Variants in GLI2 observed in about 807,000 individuals in gnomAD.
GLI2 encodes GLI family zinc finger 2.
A neutral mutation model predicts 78.9 loss-of-function variants in GLI2; 22 were observed. That is an observed-to-expected ratio of 0.28 (90% CI 0.20 to 0.40). GLI2 has a LOEUF of 0.40. GLI2 is among the 10% of genes least tolerant of loss of function. The pLI is 1.00. For missense variants in GLI2, 2,097 were observed against 2,213.2 expected (o/e 0.95, Z 1.05); for synonymous variants, 974 against 963.7 (o/e 1.01, Z -0.20).
intron 3 of GLI2, among the ~76,000 whole-genome samples, chr2:120,937,967 G>A (rs776441280): frequency 3.9e-5 from 6 of 152,064 alleles, no homozygotes; most frequent in Non-Finnish European, 8.8e-5. Flanking sequence ...ACTAACGAAG[G>A]CCGCTCCCCA....
At chr2:120,984,839 C>T (rs1418746734) in intron 12 of GLI2, 96 bp downstream of exon 12, 10 of 1,286,482 alleles carry the variant, frequency 7.8e-6, no homozygotes, top group Non-Finnish European at 1.1e-5. Context: ...CCTAAGGCCC[C>T]CCTCTAGGGG....
chr2:120,800,901 G>A lies in GLI2; in HGVS notation c.148+3433G>A, dbSNP rs1684678633. 2.0e-5 allele frequency among the ~76,000 whole-genome samples: 3 copies of A among 152,152 alleles called. No individual in the cohort carries two copies. Among genetic ancestry groups the A allele is most frequent in the South Asian group, 2.1e-4 (1 of 4,832 alleles). ...GGTCTTATCTGAGGATGTCAGGGGC[G>A]CAGTGGTGAGGAAACAGCCAAATCC... On this transcript the variant is annotated intron_variant, in intron 2 of 13. Transcript: ENST00000361492. This position sits in a 1 kb window ranked among gnomAD's most constrained non-coding sequence, Gnocchi z 4.1.
intron 8 of GLI2, chr2:120,972,716 C>T (rs1020469857): frequency 1.9e-6 from 1 of 517,774 alleles, no homozygotes; most frequent in Non-Finnish European, 3.9e-6. Flanking sequence ...ATTCAATGCA[C>T]ATTTGAGTCA....
At chr2:120,836,325 A>T (rs1686609222) in intron 2 of GLI2, among the ~76,000 whole-genome samples, 2 of 152,276 alleles carry the variant, frequency 1.3e-5, no homozygotes, top group South Asian at 4.2e-4. Flanking sequence ...TTATCTTATT[A>T]TGTGTGTGTA....
intron 2 of GLI2, among the ~76,000 whole-genome samples, chr2:120,890,303 A>G (rs1451274729): frequency 6.6e-6 from 1 of 152,200 alleles, no homozygotes; most frequent in Admixed American, 6.5e-5. Context: ...CCAGGGTTTA[A>G]TGACAGTAGG....
chr2:120,743,239 G>A (rs892945105), intron 1 of GLI2, among the ~76,000 whole-genome samples: 4 of 152,178 alleles, frequency 2.6e-5, no homozygotes, highest in African/African-American at 9.7e-5. Flanking sequence ...AAGAATAACT[G>A]TAACTGCCAG....
At chr2:120,836,585 G>T (rs1210424317) in intron 2 of GLI2, among the ~76,000 whole-genome samples, 2 of 152,188 alleles carry the variant, frequency 1.3e-5, no homozygotes, top group East Asian at 3.8e-4. Flanking sequence ...CACAGCAGGG[G>T]TTTATAAAAT....
At chr2:120,908,352 A>T (rs556151155) in intron 2 of GLI2, among the ~76,000 whole-genome samples, 1 of 152,266 alleles carries the variant, frequency 6.6e-6, no homozygotes, top group South Asian at 2.1e-4. Flanking sequence ...AGAACAAGAG[A>T]AGTGGCATCC....
At chr2:120,892,825 C>T (rs1247257590) in intron 2 of GLI2, among the ~76,000 whole-genome samples, 1 of 152,212 alleles carries the variant, frequency 6.6e-6, no homozygotes, top group East Asian at 1.9e-4. Context: ...CCTGATTCAC[C>T]ACCTTCGGTG....
At position 120,990,305 on chromosome 2, in the gene GLI2, G is replaced by C. The variant is rs767232856; in HGVS notation, c.4340G>C (p.Gly1447Ala). The part of the protein sequence containing the change: ...YEQDGGLENL[G>A]SCQVMRSQPP... Reference sequence around the variant, plus strand: ...CAGGATGGAGGCCTGGAGAACCTCGGGAGCTGCCAGGTCATGCGGTCCCAG... The same window carrying C: ...CAGGATGGAGGCCTGGAGAACCTCGCGAGCTGCCAGGTCATGCGGTCCCAG... Residue 1447 changes from glycine to alanine, a missense_variant, in exon 14 of 14, where the codon GGG (glycine) becomes GCG (alanine). By Grantham distance (60) the Gly-to-Ala change is moderately conservative (BLOSUM62 0). Around this residue, in one of 5 missense-constraint regions of GLI2, gnomAD observed 1,290 missense variants for 1,261.7 expected, o/e 1.02. Transcript: ENST00000361492. 6.2e-7 allele frequency: 1 copy of C among 1,613,714 alleles called. No homozygotes were observed. Among genetic ancestry groups the C allele is most frequent in the Non-Finnish European group, 8.5e-7 (1 of 1,180,014 alleles).
chr2:120,854,622 G>A (rs1268942929), intron 2 of GLI2, among the ~76,000 whole-genome samples: 1 of 152,196 alleles, frequency 6.6e-6, no homozygotes, highest in Non-Finnish European at 1.5e-5. Flanking sequence ...TGTATGTTCT[G>A]AGGTTTTCTG....
In GLI2 at chr2:120,988,974, C is replaced by T. The variant is rs770186740; in HGVS notation, c.3009C>T (p.Ala1003=). ...QSHPSTDGGL[A]RGAYSPRPPS... is the part of the protein sequence containing the mutation. ...ACCCGAGCACCGACGGCGGCCTGGC[C>T]CGCGGCGCCTACTCGCCCCGGCCGC... Residue 1003 remains alanine, a synonymous_variant, in exon 14 of 14, where the codon GCC becomes GCT. Coordinates refer to ENST00000361492, the MANE Select transcript of GLI2 (RefSeq NM_001374353.1). 1.0e-5 allele frequency: 16 copies of T among 1,559,938 alleles called. No individual in the cohort carries two copies. The Admixed American group carries it at 3.0e-4, about 29-fold the overall frequency.
intron 3 of GLI2, among the ~76,000 whole-genome samples, chr2:120,934,491 C>T (rs1558894638): frequency 6.6e-6 from 1 of 152,190 alleles, no homozygotes; most frequent in Non-Finnish European, 1.5e-5. Flanking sequence ...GTTTGCATTG[C>T]ATTGGCAGTC....
intron 2 of GLI2, among the ~76,000 whole-genome samples, chr2:120,817,496 T>C (rs115137272): frequency 0.014 from 2,113 of 152,166 alleles, 54 homozygotes; most frequent in African/African-American, 0.049. Flanking sequence ...CCTCTTACAG[T>C]CTCATCACCG....
chr2:120,955,306 C>T lies in GLI2; in HGVS notation c.519C>T (p.Pro173=), dbSNP rs774761281. 6.2e-7 allele frequency: 1 copy of T among 1,613,286 alleles called. No individual in the cohort carries two copies. Among genetic ancestry groups the T allele is most frequent in the Admixed American group, 1.7e-5 (1 of 60,016 alleles). ...LFGLPAPGTT[P]SDYYHQMTLV... is the part of the protein sequence containing the mutation. Reference sequence around the variant, plus strand: ...GCCTTCCTGCTCCAGGCACCACCCCCTCAGACTATTACCACCAGATGACCC... The same window carrying T: ...GCCTTCCTGCTCCAGGCACCACCCCTTCAGACTATTACCACCAGATGACCC... The change falls in exon 5 of 14, where the codon CCC becomes CCT. Residue 173 remains proline (P), a synonymous_variant. Coordinates refer to ENST00000361492, the MANE Select transcript of GLI2 (RefSeq NM_001374353.1).
chr2:120,958,101 GCCTGGCTGCACGGTGT>G (rs1427285373), intron 5 of GLI2, among the ~76,000 whole-genome samples: 1 of 152,184 alleles, frequency 6.6e-6, no homozygotes, highest in Non-Finnish European at 1.5e-5. Context: ...CCTGGGTCAG[GCCTGGCTGCACGGTGT>G]CCTCCCTGTG....
intron 1 of GLI2, among the ~76,000 whole-genome samples, chr2:120,738,118 C>CG (rs1218730275): frequency 3.3e-5 from 5 of 152,250 alleles, no homozygotes; most frequent in Admixed American, 6.5e-5. Context: ...TCCACAGGGA[C>CG]GGGGGGCACC....
intron 2 of GLI2, among the ~76,000 whole-genome samples, chr2:120,849,981 A>G (rs1469195419): frequency 6.6e-6 from 1 of 152,258 alleles, no homozygotes; most frequent in Non-Finnish European, 1.5e-5. Context: ...AAAGGGATAC[A>G]TGACATTTCA....
intron 7 of GLI2, among the ~76,000 whole-genome samples, chr2:120,970,953 T>C (rs2592593): frequency 0.84 from 127,666 of 152,114 alleles, 57,357 homozygotes; most frequent in East Asian, 1. Flanking sequence ...CGTTGTAGAA[T>C]GTGCATTTGC....
Sources: allele counts gnomAD v4.1 joint callset (sites outside exome capture counted in the v4.1 genomes callset), GRCh38; gene constraint gnomAD v4.1.1; regional missense constraint gnomAD v4.1.1; non-coding constraint Gnocchi (gnomAD v3.1); transcripts MANE v1.5; gene names NCBI Gene and HGNC (gene_info 2026-07-23, HGNC 2026-07-21).